The following HS3ST5 variants were observed in gnomAD, a reference collection of about 807,000 sequenced individuals.
The protein encoded by HS3ST5 is heparan sulfate-glucosamine 3-sulfotransferase 5, also known as heparan sulfate glucosamine 3-O-sulfotransferase 5.
In HS3ST5, 10 loss-of-function variants were observed where a neutral mutation model predicts 25.4. That is an observed-to-expected ratio of 0.39 (90% CI 0.24 to 0.67). The LOEUF is 0.67. HS3ST5 is among the 30% of genes least tolerant of loss of function. The pLI is 0.44. For missense variants in HS3ST5, 324 were observed against 420.7 expected (o/e 0.77, Z 2.01); for synonymous variants, 170 against 162.4 (o/e 1.05, Z -0.36).
intron 1 of HS3ST5, among the ~76,000 whole-genome samples, chr6:114,316,958 T>G (rs1339205910): frequency 6.6e-6 from 1 of 152,210 alleles, no homozygotes; most frequent in Non-Finnish European, 1.5e-5. Context: ...ATGAAATTGT[T>G]GCATAGCAGT....
At chr6:114,161,487 A>G (rs2114982889) in intron 3 of HS3ST5, among the ~76,000 whole-genome samples, 1 of 124,204 alleles carries the variant, frequency 8.1e-6, no homozygotes, top group East Asian at 2.5e-4. Context: ...ACAGCATCTA[A>G]GTAATTCTAA....
chr6:114,138,048 A>T (rs76669466), intron 3 of HS3ST5, among the ~76,000 whole-genome samples: 1 of 152,120 alleles, frequency 6.6e-6, no homozygotes, highest in Non-Finnish European at 1.5e-5. Flanking sequence ...TAAAAAAAAA[A>T]GGAGGCTCTG....
intron 3 of HS3ST5, among the ~76,000 whole-genome samples, chr6:114,110,854 G>A (rs1382321396): frequency 1.3e-5 from 2 of 152,108 alleles, no homozygotes; most frequent in Non-Finnish European, 2.9e-5. Flanking sequence ...TTTAAAATAT[G>A]TATAGTGTAC....
At chr6:114,259,981 A>G (rs1773096245) in intron 1 of HS3ST5, among the ~76,000 whole-genome samples, 1 of 152,218 alleles carries the variant, frequency 6.6e-6, no homozygotes, top group Admixed American at 6.5e-5. Context: ...AAAATAAGTT[A>G]TCAAGTTGAG....
At chr6:114,341,527 C>T in intron 1 of HS3ST5, among the ~76,000 whole-genome samples, 1 of 151,974 alleles carries the variant, frequency 6.6e-6, no homozygotes, top group Non-Finnish European at 1.5e-5. Flanking sequence ...CAGTGAGTAG[C>T]GACAGCGACC....
intron 1 of HS3ST5, among the ~76,000 whole-genome samples, chr6:114,264,727 G>A (rs1649643816): frequency 6.6e-6 from 1 of 152,150 alleles, no homozygotes; most frequent in South Asian, 2.1e-4. Context: ...AAGAGTCTAT[G>A]GGATGCCTTG....
intron 1 of HS3ST5, among the ~76,000 whole-genome samples, chr6:114,293,115 A>G (rs1774655926): frequency 6.6e-6 from 1 of 151,904 alleles, no homozygotes; most frequent in Admixed American, 6.6e-5. Context: ...ACTTAACTCA[A>G]CTCTTTGGAA....
chr6:114,108,491 G>T (rs1776100134), intron 3 of HS3ST5, among the ~76,000 whole-genome samples: 1 of 152,108 alleles, frequency 6.6e-6, no homozygotes, highest in South Asian at 2.1e-4. Flanking sequence ...ACCTGGTGAT[G>T]CCGGCCCCTA....
intron 1 of HS3ST5, among the ~76,000 whole-genome samples, chr6:114,244,486 A>C (rs771814181): frequency 3.3e-5 from 5 of 152,196 alleles, no homozygotes; most frequent in Non-Finnish European, 7.3e-5. Flanking sequence ...CTCAGGATTA[A>C]ATAATACGGT....
chr6:114,266,854 A>T (rs1332559743), intron 1 of HS3ST5, among the ~76,000 whole-genome samples: 1 of 152,232 alleles, frequency 6.6e-6, no homozygotes, highest in African/African-American at 2.4e-5. Context: ...CTCAAATATT[A>T]GTTCAAAGTT....
At chr6:114,105,940 A>G (rs1775969756) in intron 3 of HS3ST5, among the ~76,000 whole-genome samples, 2 of 152,128 alleles carry the variant, frequency 1.3e-5, no homozygotes, top group African/African-American at 4.8e-5. Context: ...TTACAAATGG[A>G]TTTGACTCCT....
chr6:114,089,963 TG>T (rs1775036211), intron 3 of HS3ST5, among the ~76,000 whole-genome samples: 1 of 152,172 alleles, frequency 6.6e-6, no homozygotes, highest in African/African-American at 2.4e-5. Context: ...AAACTTTAGT[TG>T]GGGGTACTCT....
At chr6:114,093,126 A>G (rs1775219405) in intron 3 of HS3ST5, among the ~76,000 whole-genome samples, 1 of 152,180 alleles carries the variant, frequency 6.6e-6, no homozygotes, top group Non-Finnish European at 1.5e-5. Context: ...CAAATGGTGG[A>G]AGAGGAATTT....
At chr6:114,298,162 G>A (rs57397327) in intron 1 of HS3ST5, among the ~76,000 whole-genome samples, 4 of 152,058 alleles carry the variant, frequency 2.6e-5, no homozygotes, top group Non-Finnish European at 5.9e-5. Flanking sequence ...CTATTAGAAG[G>A]TATAATTTAT....
chr6:114,262,959 G>T (rs1005129222), intron 1 of HS3ST5, among the ~76,000 whole-genome samples: 4 of 152,072 alleles, frequency 2.6e-5, no homozygotes, highest in African/African-American at 7.2e-5. Flanking sequence ...TTAGTAATAT[G>T]CTTGAAAATG....
chr6:114,084,828 CTTTTCT>C, intron 3 of HS3ST5: 2 of 593,036 alleles, frequency 3.4e-6, no homozygotes, highest in Admixed American at 2.7e-5. Flanking sequence ...TTTTTCTTTT[CTTTTCT>C]TTTTTTTTTT....
At chr6:114,242,247 AT>A (rs1393853450) in intron 1 of HS3ST5, among the ~76,000 whole-genome samples, 1 of 152,160 alleles carries the variant, frequency 6.6e-6, no homozygotes, top group East Asian at 1.9e-4. Flanking sequence ...AAATAATAAT[AT>A]TTTGGATTTA....
Position 114,112,336 on chromosome 6 carries a change from A to G in HS3ST5, c.-32-49459T>C, listed in dbSNP as rs114386630. ...ATGGCAGCCATTGCTGGCATTGAAGATGCAAGGGATCAACAAAGCCAAGAG... is the reference window on the plus strand; with the variant it reads ...ATGGCAGCCATTGCTGGCATTGAAGGTGCAAGGGATCAACAAAGCCAAGAG... On this transcript the variant is annotated intron_variant, in intron 3 of 4. Coordinates refer to ENST00000312719, the MANE Select transcript of HS3ST5 (RefSeq NM_153612.4). 369 of 152,570 alleles carry G rather than the reference A, an allele frequency of 2.4e-3. 4 individuals are homozygous for G. The highest frequency in any genetic ancestry group is 8.4e-3 in the African/African-American group (350 of 41,578). The allele number at this position is 152,570 out of a possible 1,614,324, so 9.5% of individuals were successfully genotyped here.
chr6:114,308,662 C>T (rs545464302), intron 1 of HS3ST5, among the ~76,000 whole-genome samples: 1 of 152,248 alleles, frequency 6.6e-6, no homozygotes, highest in East Asian at 1.9e-4. Context: ...AAGAATAGCT[C>T]TTTCACTGTT....
Sources: allele counts gnomAD v4.1 joint callset (sites outside exome capture counted in the v4.1 genomes callset), GRCh38; gene constraint gnomAD v4.1.1; transcripts MANE v1.5; gene names NCBI Gene and HGNC (gene_info 2026-07-23, HGNC 2026-07-21).